The following SNX30 variants were observed in gnomAD, a reference collection of about 807,000 sequenced individuals.
SNX30 encodes the protein sorting nexin-30.
Under a neutral mutation model 46.4 loss-of-function variants are expected in SNX30, and 24 were observed. That is an observed-to-expected ratio of 0.52 (90% CI 0.37 to 0.73). SNX30 has a LOEUF of 0.73. SNX30 is among the 30% of genes least tolerant of loss of function. The pLI is 0.00. For missense variants in SNX30, 533 were observed against 555.7 expected, an observed-to-expected ratio of 0.96 and a Z score of 0.41; for synonymous variants, 189 against 211.5, an observed-to-expected ratio of 0.89 and a Z score of 0.92.
intron 4 of SNX30, among the ~76,000 whole-genome samples, chr9:112,834,129 A>G (rs935050395): frequency 4.1e-5 from 6 of 145,880 alleles, no homozygotes; most frequent in Non-Finnish European, 6.0e-5. Context: ...GTTGTCATCA[A>G]CACAGGAGAA....
downstream of SNX30, chr9:112,877,965 A>C (rs1841536057): frequency 6.6e-6 from 1 of 152,246 alleles, no homozygotes; most frequent in Non-Finnish European, 1.5e-5. Context: ...TGATCTTCCT[A>C]GCTTGGCCTC....
In SNX30 at chr9:112,870,432, G is replaced by T. The variant is rs974021375; in HGVS notation, c.*1589G>T. 5.3e-5 allele frequency: 8 copies of T among 152,234 alleles called. No homozygotes were observed. The highest frequency in any genetic ancestry group is 1.9e-4 in the African/African-American group (8 of 41,458). 9.4% of individuals were successfully genotyped at this position (152,234 alleles called of 1,614,324 possible). On this transcript the variant is annotated 3_prime_UTR_variant, in exon 9 of 9. Transcript: ENST00000374232. ...CATCAGCCAAGGCTGTGGTGCTGTT[G>T]ATGCCGCAGTTGGACAGCATAGGAC... is the stretch of plus-strand genomic sequence containing the variant.
intron 1 of SNX30, among the ~76,000 whole-genome samples, chr9:112,798,374 C>T (rs1265845976): frequency 1.6e-4 from 4 of 24,660 alleles, no homozygotes; most frequent in Non-Finnish European, 2.5e-4. Flanking sequence ...TGAGAATATG[C>T]GGTGTTTGGT....
chr9:112,761,320 G>A (rs963289695), intron 1 of SNX30, among the ~76,000 whole-genome samples: 4 of 152,028 alleles, frequency 2.6e-5, no homozygotes, highest in Non-Finnish European at 4.4e-5. Flanking sequence ...ATGCCACCAC[G>A]CCAGGCTAAT....
rs1422283055 is a variant in SNX30, at chr9:112,830,828, C to T, written c.563C>T (p.Thr188Met). 6.8e-6 allele frequency: 11 copies of T among 1,613,774 alleles called. No homozygotes were observed. Among genetic ancestry groups the T allele is most frequent in the South Asian group, 5.5e-5 (5 of 91,064 alleles). ...TTGGATAAATTTCTAAAAAGAATTA[C>T]GGACCATCCTGTGCTGTCTTTCAAT... is the stretch of plus-strand genomic sequence containing the variant. Reference protein sequence around the residue: ...KALDKFLKRITDHPVLSFNEH... With the variant: ...KALDKFLKRIMDHPVLSFNEH... The change falls in exon 4 of 9, where the codon ACG becomes ATG. Residue 188 changes from threonine to methionine, a missense_variant. This residue lies in a region of SNX30 where 81 missense variants were observed against 124.4 expected (regional missense o/e 0.65). Transcript: ENST00000374232.
At chr9:112,858,028 A>T (rs761383253) in intron 7 of SNX30, among the ~76,000 whole-genome samples, 11 of 152,230 alleles carry the variant, frequency 7.2e-5, no homozygotes, top group Non-Finnish European at 1.2e-4. Flanking sequence ...ATTGGGAACC[A>T]AGGTGAAAAA....
chr9:112,822,531 G>GTTTTTTTT (rs1340146319), intron 3 of SNX30, among the ~76,000 whole-genome samples: 1 of 34,410 alleles, frequency 2.9e-5, no homozygotes, highest in Admixed American at 3.9e-4. Context: ...TCCCTTTGCT[G>GTTTTTTTT]TTTTGTTTTG....
At chr9:112,866,146 T>G (rs1476006370) in intron 8 of SNX30, among the ~76,000 whole-genome samples, 1 of 152,176 alleles carries the variant, frequency 6.6e-6, no homozygotes, top group Non-Finnish European at 1.5e-5. Flanking sequence ...TGTACCAAAT[T>G]GATAAACAGC....
At chr9:112,752,981 A>G (rs992130509) in intron 1 of SNX30, among the ~76,000 whole-genome samples, 1 of 152,154 alleles carries the variant, frequency 6.6e-6, no homozygotes, top group African/African-American at 2.4e-5. Context: ...AGAGCAAGTG[A>G]TCCAAGAGAG....
At chr9:112,865,192 C>G (rs1200883344) in intron 8 of SNX30, among the ~76,000 whole-genome samples, 2 of 146,562 alleles carry the variant, frequency 1.4e-5, no homozygotes, top group Non-Finnish European at 3.0e-5. Flanking sequence ...ACCCACACAC[C>G]ACACCCACAT....
intron 1 of SNX30, among the ~76,000 whole-genome samples, chr9:112,762,729 G>A (rs757696664): frequency 6.6e-6 from 1 of 152,234 alleles, no homozygotes; most frequent in African/African-American, 2.4e-5. Context: ...TAGTTCGCTT[G>A]AGAGCTGAAG....
chr9:112,834,814 G>A (rs1483468658), intron 4 of SNX30, among the ~76,000 whole-genome samples: 2 of 140,816 alleles, frequency 1.4e-5, no homozygotes, highest in African/African-American at 2.9e-5. Flanking sequence ...TATGAGCCAG[G>A]AACCGTGGAT....
At chr9:112,856,123 G>C (rs933025689) in intron 7 of SNX30, among the ~76,000 whole-genome samples, 1 of 152,108 alleles carries the variant, frequency 6.6e-6, no homozygotes, top group African/African-American at 2.4e-5. Flanking sequence ...CAGGGAGAAG[G>C]CTTCACAGAA....
chr9:112,869,588 T>C lies in SNX30; in HGVS notation c.*745T>C, dbSNP rs1307518160. 1 of 151,616 alleles carries C rather than the reference T, an allele frequency of 6.6e-6. No homozygotes were observed. The highest frequency in any genetic ancestry group is 1.5e-5 in the Non-Finnish European group (1 of 67,916). The allele number at this position is 151,616 out of a possible 1,614,324, so 9.4% of individuals were successfully genotyped here. On this transcript the variant is annotated 3_prime_UTR_variant, in exon 9 of 9. Transcript: ENST00000374232. ...TAGAATGCAACAGATTGGAAACTTT[T>C]TGTGTAAAATGAAAAAAACAAAGTG...
intron 6 of SNX30, among the ~76,000 whole-genome samples, chr9:112,847,062 T>A (rs1840949354): frequency 6.6e-6 from 1 of 152,226 alleles, no homozygotes; most frequent in Non-Finnish European, 1.5e-5. Context: ...AAACATTTTG[T>A]CATTGTAGAT....
chr9:112,761,193 C>T (rs1270400348), intron 1 of SNX30, among the ~76,000 whole-genome samples: 1 of 152,290 alleles, frequency 6.6e-6, no homozygotes, highest in African/African-American at 2.4e-5. Flanking sequence ...GACGGAGTCT[C>T]GCTCTGTCAT....
At chr9:112,774,713 G>GCTGA (rs1839710509) in intron 1 of SNX30, among the ~76,000 whole-genome samples, 2 of 152,052 alleles carry the variant, frequency 1.3e-5, no homozygotes, top group Non-Finnish European at 2.9e-5. Flanking sequence ...TACTAATGAT[G>GCTGA]CTGAGCCTCT....
chr9:112,884,896 G>A (rs1588149495), downstream of SNX30, among the ~76,000 whole-genome samples: 1 of 152,050 alleles, frequency 6.6e-6, no homozygotes, highest in Non-Finnish European at 1.5e-5. Context: ...ATTTTCAAGC[G>A]GGCAAAAACT....
chr9:112,797,868 T>A (rs558829641), intron 1 of SNX30, among the ~76,000 whole-genome samples: 39 of 113,918 alleles, frequency 3.4e-4, no homozygotes, highest in African/African-American at 1.2e-3. Context: ...CCAGCTAATA[T>A]TGGTATTTTT....
Sources: allele counts gnomAD v4.1 joint callset (sites outside exome capture counted in the v4.1 genomes callset), GRCh38; gene constraint gnomAD v4.1.1; regional missense constraint gnomAD v4.1.1; transcripts MANE v1.5; gene names NCBI Gene and HGNC (gene_info 2026-07-23, HGNC 2026-07-21).